SERINC1: variants seen among roughly 807,000 people sequenced by gnomAD.
SERINC1 encodes tumor differentially expressed protein 2.
Under a neutral mutation model 52.9 loss-of-function variants are expected in SERINC1, and 38 were observed. The ratio of observed to expected loss-of-function variants is 0.72; its 90% CI spans 0.55 to 0.94. The LOEUF is 0.94. SERINC1 is among the 40% of genes least tolerant of loss of function. SERINC1 has a pLI of 0.00. For missense variants in SERINC1, 471 were observed against 533.9 expected, an observed-to-expected ratio of 0.88 and a Z score of 1.16; for synonymous variants, 198 against 183.1, an observed-to-expected ratio of 1.08 and a Z score of -0.66.
chr6:122,445,103 C>T lies in SERINC1; in HGVS notation c.1303G>A (p.Val435Met), dbSNP rs536292960. The change falls in exon 10 of 10, where the codon GTG (valine) becomes ATG (methionine). Residue 435 changes from valine to methionine, a missense_variant. Transcript: ENST00000339697. Reference sequence around the variant, plus strand: ...GCCACGAGTGTCCAAACATACAGCACGATGCCAATCCAACTGGAAGAGATT... The same window carrying T: ...GCCACGAGTGTCCAAACATACAGCATGATGCCAATCCAACTGGAAGAGATT... Reference protein sequence around the residue: ...VKISSSWIGIVLYVWTLVAPL... With the variant: ...VKISSSWIGIMLYVWTLVAPL... 73 of 1,613,966 alleles carry T rather than the reference C, an allele frequency of 4.5e-5. No homozygotes were observed. The highest frequency in any genetic ancestry group is 5.7e-5 in the Non-Finnish European group (67 of 1,179,966).
intron 8 of SERINC1, 34 bp downstream of exon 8, chr6:122,447,087 T>G: frequency 6.3e-7 from 1 of 1,595,014 alleles, no homozygotes; most frequent in Non-Finnish European, 8.6e-7. Context: ...CTAGACTTCT[T>G]GTTTAAAGAA....
chr6:122,446,783 T>C lies in SERINC1; in HGVS notation c.1217A>G (p.Asn406Ser), dbSNP rs148985241. 371 of 1,600,880 alleles carry C rather than the reference T, an allele frequency of 2.3e-4. No homozygotes were observed. Among genetic ancestry groups the C allele is most frequent in the Non-Finnish European group, 2.9e-4 (339 of 1,168,162 alleles). The change falls in exon 9 of 10, where the codon AAC becomes AGC. Residue 406 changes from asparagine (N) to serine (S), a missense_variant. By Grantham distance (46) the Asn-to-Ser change is conservative. Transcript: ENST00000339697. ...ASLYIMMTLT[N>S]WYRYEPSREM... ...CATGAAATATAAATACCTGTACCAG[T>C]TGGTAAGGGTCATCATGATATAAAG...
intron 7 of SERINC1, among the ~76,000 whole-genome samples, chr6:122,451,248 T>C (rs1774898208): frequency 6.6e-6 from 1 of 152,186 alleles, no homozygotes; most frequent in Non-Finnish European, 1.5e-5. Context: ...AGATTACAAC[T>C]TGATGAAGGC....
rs1159960166 is a variant in SERINC1, at chr6:122,457,809, A to G, written c.201+711T>C. ...CCTGAACTGAGTAAGACATACATAT[A>G]TATATATATATATACATGTACACGA... On this transcript the variant is annotated intron_variant, in intron 2 of 9. Coordinates refer to ENST00000339697, the MANE Select transcript of SERINC1 (RefSeq NM_020755.4). Among the ~76,000 whole-genome samples the G allele has an allele frequency of 2.0e-5, 3 of 149,648 alleles. No individual in the cohort carries two copies. In the East Asian group the frequency reaches 5.8e-4, roughly 29 times the overall value.
Position 122,453,862 on chromosome 6 carries a change from A to T in SERINC1, c.497T>A (p.Ile166Lys), listed in dbSNP as rs1263245284. The T allele has an allele frequency of 6.2e-7, 1 of 1,606,718 alleles. No individual in the cohort carries two copies. The highest frequency in any genetic ancestry group is 8.5e-7 in the Non-Finnish European group (1 of 1,175,064). ...GMAGAFCFIL[I>K]QLVLLIDFAH... ...AAAATCAATAAGTAAGACTAGTTGT[A>T]TGAGGATGAAACAAAAGGCACCTGC... Residue 166 changes from isoleucine (I) to lysine (K), a missense_variant, in exon 5 of 10, where the codon ATA (isoleucine) becomes AAA (lysine). Physicochemically the swap from Ile to Lys is moderately radical, Grantham distance 102. Transcript: ENST00000339697.
intron 1 of SERINC1, among the ~76,000 whole-genome samples, chr6:122,466,712 A>C (rs1188583844): frequency 6.6e-6 from 1 of 152,230 alleles, no homozygotes; most frequent in Non-Finnish European, 1.5e-5. Flanking sequence ...GAAGTTCTGA[A>C]AACAATCAAG....
At chr6:122,461,406 T>G (rs1775097080) in intron 1 of SERINC1, among the ~76,000 whole-genome samples, 1 of 150,120 alleles carries the variant, frequency 6.7e-6, no homozygotes, top group South Asian at 2.1e-4. Context: ...AAAAAATATG[T>G]AAACATAGAA....
In SERINC1 at chr6:122,451,938, T is replaced by C. The variant is rs777553006; in HGVS notation, c.709A>G (p.Met237Val). 14 of 1,599,672 alleles carry C rather than the reference T, an allele frequency of 8.8e-6. No individual in the cohort carries two copies. Among genetic ancestry groups the C allele is most frequent in the Non-Finnish European group, 1.1e-5 (13 of 1,173,782 alleles). ...SENKAFISVN[M>V]LLCVGASVMS... ...ACAGAAGCACCAACGCAGAGGAGCA[T>C]GTTGACACTGATGAACGCCTTGTTT... The change falls in exon 6 of 10, where the codon ATG becomes GTG. Residue 237 changes from methionine to valine, a missense_variant. Met to Val is a conservative substitution (Grantham distance 21). Coordinates refer to ENST00000339697, the MANE Select transcript of SERINC1 (RefSeq NM_020755.4).
intron 1 of SERINC1, among the ~76,000 whole-genome samples, chr6:122,465,017 A>G (rs1366453179): frequency 1.3e-5 from 2 of 152,190 alleles, no homozygotes; most frequent in African/African-American, 2.4e-5. Context: ...AATAAAAAAT[A>G]AAGGTTTGGG....
At chr6:122,454,085 G>T in intron 4 of SERINC1, 66 bp downstream of exon 4, 2 of 1,211,142 alleles carry the variant, frequency 1.7e-6, no homozygotes, top group Non-Finnish European at 2.4e-6. Flanking sequence ...TATAGTTCCA[G>T]GTGACAATTA....
At chr6:122,462,042 A>G (rs894343066) in intron 1 of SERINC1, among the ~76,000 whole-genome samples, 1 of 152,076 alleles carries the variant, frequency 6.6e-6, no homozygotes, top group African/African-American at 2.4e-5. Context: ...CACCAGGTAG[A>G]GTTTAGCCTG....
At chr6:122,450,203 T>C (rs112779057) in intron 7 of SERINC1, among the ~76,000 whole-genome samples, 93 of 152,262 alleles carry the variant, frequency 6.1e-4, no homozygotes, top group African/African-American at 1.9e-3. Flanking sequence ...ATGCAGACAA[T>C]GATTTTAAGA....
chr6:122,445,597 C>A (rs1562211687), intron 9 of SERINC1, among the ~76,000 whole-genome samples: 1 of 121,698 alleles, frequency 8.2e-6, no homozygotes, highest in African/African-American at 3.1e-5. Flanking sequence ...AATTAAGAGA[C>A]TGGTATGACT....
At chr6:122,465,371 C>T (rs1244052354) in intron 1 of SERINC1, among the ~76,000 whole-genome samples, 1 of 152,012 alleles carries the variant, frequency 6.6e-6, no homozygotes, top group East Asian at 1.9e-4. Flanking sequence ...GCACTAGTCA[C>T]CTGAAAGAAT....
chr6:122,447,191 A>C lies in SERINC1; in HGVS notation c.925T>G (p.Ser309Ala), dbSNP rs750340948. The C allele has an allele frequency of 6.2e-7, 1 of 1,612,578 alleles. No homozygotes were observed. The highest frequency in any genetic ancestry group is 8.5e-7 in the Non-Finnish European group (1 of 1,178,662). ...CCTTGAGCATGCCACCACTGGACTG[A>C]CTGCCCTTCCTTTGGGACAGTGCTT... ...TTSTVPKEGQ[S>A]VQWWHAQGII... The change falls in exon 8 of 10, where the codon TCA becomes GCA. Residue 309 changes from serine (S) to alanine (A), a missense_variant. By Grantham distance (99) the Ser-to-Ala change is moderately conservative. Coordinates refer to ENST00000339697, the MANE Select transcript of SERINC1 (RefSeq NM_020755.4).
At chr6:122,468,941 A>G (rs1775229264) in intron 1 of SERINC1, among the ~76,000 whole-genome samples, 1 of 152,220 alleles carries the variant, frequency 6.6e-6, no homozygotes, top group Non-Finnish European at 1.5e-5. Flanking sequence ...CAATGTTGAG[A>G]CTGGGATGGG....
At chr6:122,463,486 A>G (rs1242429010) in intron 1 of SERINC1, among the ~76,000 whole-genome samples, 2 of 152,200 alleles carry the variant, frequency 1.3e-5, no homozygotes, top group East Asian at 3.8e-4. Context: ...GAATATAAAA[A>G]GAACTCTAAA....
chr6:122,470,951 C>T (rs1324044926), intron 1 of SERINC1, among the ~76,000 whole-genome samples: 1 of 151,642 alleles, frequency 6.6e-6, no homozygotes, highest in African/African-American at 2.4e-5. Flanking sequence ...AATAGTTTTA[C>T]TCTAACAACT....
intron 1 of SERINC1, among the ~76,000 whole-genome samples, chr6:122,467,451 T>A (rs1775209083): frequency 6.6e-6 from 1 of 151,802 alleles, no homozygotes; most frequent in Admixed American, 6.6e-5. Context: ...ACTAAAAATA[T>A]AAAAATTAGC....
Sources: allele counts gnomAD v4.1 joint callset (sites outside exome capture counted in the v4.1 genomes callset), GRCh38; gene constraint gnomAD v4.1.1; transcripts MANE v1.5; gene names NCBI Gene and HGNC (gene_info 2026-07-23, HGNC 2026-07-21).